Variants in CNBD1 observed in about 807,000 individuals in gnomAD.
CNBD1 encodes the protein cyclic nucleotide binding domain containing 1.
CNBD1 carries 71 observed loss-of-function variants against 54.4 expected under a neutral mutation model. That is an observed-to-expected ratio of 1.30 (90% CI 1.08 to 1.59). The LOEUF (loss-of-function observed/expected upper bound fraction) is 1.59, where lower values mean the gene tolerates loss of function less well. Ranked by LOEUF, CNBD1 falls within the 40% of genes most tolerant of loss-of-function variation. The probability of loss-of-function intolerance (pLI) is 0.00; values close to 1 mark genes in which losing one functional copy is unlikely to be tolerated. For missense variants in CNBD1, 659 were observed against 518.0 expected (o/e 1.27, Z -2.64); for synonymous variants, 182 against 170.7 (o/e 1.07, Z -0.51).
intron 4 of CNBD1, among the ~76,000 whole-genome samples, chr8:87,033,334 C>T (rs771464983): frequency 6.6e-6 from 1 of 152,020 alleles, no homozygotes; most frequent in Non-Finnish European, 1.5e-5. Flanking sequence ...GTGTAGAACT[C>T]ATGAAGTTCT....
intron 2 of CNBD1, among the ~76,000 whole-genome samples, chr8:87,409,043 G>A (rs576871215): frequency 2.6e-4 from 40 of 152,210 alleles, no homozygotes; most frequent in Admixed American, 1.3e-4. Flanking sequence ...AGGAAGGGTT[G>A]CATTTCTTTT....
intron 4 of CNBD1, among the ~76,000 whole-genome samples, chr8:86,953,070 T>C (rs1373778061): frequency 6.6e-6 from 1 of 152,254 alleles, no homozygotes. Flanking sequence ...ACAATAGTTA[T>C]TCCTTTTTCT....
intron 3 of CNBD1, among the ~76,000 whole-genome samples, chr8:86,924,188 A>C (rs929239876): frequency 1.3e-5 from 2 of 152,180 alleles, no homozygotes; most frequent in African/African-American, 4.8e-5. Context: ...GTTTGCAATG[A>C]AAGGAAAAAG....
intron 8 of CNBD1, among the ~76,000 whole-genome samples, chr8:87,295,815 A>T (rs931917656): frequency 6.6e-6 from 1 of 152,180 alleles, no homozygotes; most frequent in Non-Finnish European, 1.5e-5. Context: ...AGCAAACTTA[A>T]TATATAAAAA....
chr8:86,892,636 G>A (rs998569425), intron 2 of CNBD1, among the ~76,000 whole-genome samples: 4 of 152,000 alleles, frequency 2.6e-5, no homozygotes, highest in Non-Finnish European at 5.9e-5. Context: ...ATTAAAAATT[G>A]AGTAGTTTCT....
intron 4 of CNBD1, among the ~76,000 whole-genome samples, chr8:87,083,670 G>A (rs1811042757): frequency 6.8e-6 from 1 of 146,416 alleles, no homozygotes; most frequent in Non-Finnish European, 1.5e-5. Context: ...CTAAGTGCAA[G>A]CTCCGCCTCC....
chr8:87,397,069 C>T (rs1055028086), intron 2 of CNBD1, among the ~76,000 whole-genome samples: 6 of 151,770 alleles, frequency 4.0e-5, no homozygotes, highest in Non-Finnish European at 8.8e-5. Context: ...TTTGATCTAT[C>T]TCTAGACTCT....
At chr8:87,125,202 G>A (rs917386548) in intron 4 of CNBD1, among the ~76,000 whole-genome samples, 13 of 151,638 alleles carry the variant, frequency 8.6e-5, no homozygotes, top group Admixed American at 2.0e-4. Context: ...TTGTGAAAAT[G>A]TCTGTACTAC....
chr8:86,999,325 T>C (rs1355980844), intron 4 of CNBD1, among the ~76,000 whole-genome samples: 1 of 152,194 alleles, frequency 6.6e-6, no homozygotes, highest in Non-Finnish European at 1.5e-5. Flanking sequence ...ACTTCCTATG[T>C]TACTTGTTTT....
intron 6 of CNBD1, among the ~76,000 whole-genome samples, chr8:87,240,740 A>G (rs1239899448): frequency 6.6e-6 from 1 of 152,072 alleles, no homozygotes; most frequent in Non-Finnish European, 1.5e-5. Flanking sequence ...TGGTAATGGG[A>G]CCTTATGTGA....
At chr8:87,048,036 G>C (rs192731979) in intron 4 of CNBD1, among the ~76,000 whole-genome samples, 1 of 152,232 alleles carries the variant, frequency 6.6e-6, no homozygotes, top group African/African-American at 2.4e-5. Flanking sequence ...TGCTTTCCAG[G>C]CTTTGACTTG....
intron 4 of CNBD1, among the ~76,000 whole-genome samples, chr8:87,085,807 G>GTTC (rs1811084347): frequency 1.3e-5 from 2 of 152,084 alleles, no homozygotes; most frequent in Non-Finnish European, 2.9e-5. Flanking sequence ...TGCTACCTGG[G>GTTC]TTCAGCCTCA....
intron 1 of CNBD1, among the ~76,000 whole-genome samples, chr8:86,868,541 C>T (rs1262420877): frequency 6.8e-6 from 1 of 148,114 alleles, no homozygotes; most frequent in Non-Finnish European, 1.5e-5. Flanking sequence ...CTGTGTTGGC[C>T]AGGCTGGTCT....
intron 2 of CNBD1, among the ~76,000 whole-genome samples, chr8:87,413,716 T>C (rs1390526064): frequency 6.6e-6 from 1 of 150,488 alleles, no homozygotes; most frequent in Non-Finnish European, 1.5e-5. Context: ...GTGAAGGATA[T>C]GAACAGACAC....
At chr8:87,263,538 G>C (rs539537177) in intron 6 of CNBD1, among the ~76,000 whole-genome samples, 3 of 148,870 alleles carry the variant, frequency 2.0e-5, no homozygotes, top group African/African-American at 7.7e-5. Flanking sequence ...GTAAAATTAG[G>C]TAAGTAATTG....
chr8:87,100,712 T>C (rs954556587), intron 4 of CNBD1, among the ~76,000 whole-genome samples: 7 of 152,130 alleles, frequency 4.6e-5, no homozygotes, highest in Non-Finnish European at 8.8e-5. Flanking sequence ...TGTCTTCAAG[T>C]GATCCTCCTG....
chr8:86,986,895 T>A (rs966498541), intron 4 of CNBD1, among the ~76,000 whole-genome samples: 2 of 152,210 alleles, frequency 1.3e-5, no homozygotes, highest in Non-Finnish European at 2.9e-5. Flanking sequence ...AGTACCATGC[T>A]GTTTTGGTTG....
chr8:87,245,985 A>G (rs1311831427), intron 6 of CNBD1, among the ~76,000 whole-genome samples: 6 of 152,070 alleles, frequency 3.9e-5, no homozygotes, highest in Admixed American at 2.6e-4. Flanking sequence ...AGGTTCTTGG[A>G]CTAATATCTC....
chr8:87,368,943 A>G (rs1266411368), intron 10 of CNBD1, among the ~76,000 whole-genome samples: 1 of 151,800 alleles, frequency 6.6e-6, no homozygotes, highest in African/African-American at 2.4e-5. Context: ...TTTCCTTCTC[A>G]TGACTTGCTT....
Sources: gnomAD v4.1 joint callset for allele counts (sites outside exome capture counted in the v4.1 genomes callset) on GRCh38, gnomAD v4.1.1 for gene constraint, MANE v1.5 for transcripts, NCBI Gene and HGNC (gene_info 2026-07-23, HGNC 2026-07-21) for gene names.